MEP1A: variants seen among roughly 807,000 people sequenced by gnomAD.
The protein encoded by MEP1A is N-benzoyl-L-tyrosyl-P-amino-benzoic acid hydrolase subunit alpha.
Under a neutral mutation model 84.5 loss-of-function variants are expected in MEP1A, and 68 were observed. The observed-to-expected ratio is 0.80, with a 90% CI of 0.66 to 0.98. The LOEUF is 0.98. MEP1A is among the 50% of genes least tolerant of loss of function. MEP1A has a pLI of 0.00. For missense variants in MEP1A, 887 were observed against 919.9 expected (o/e 0.96, Z 0.46); for synonymous variants, 337 against 336.8 (o/e 1.00, Z -0.01).
intron 6 of MEP1A, among the ~76,000 whole-genome samples, chr6:46,814,220 C>T (rs1767575608): frequency 6.6e-6 from 1 of 152,142 alleles, no homozygotes; most frequent in African/African-American, 2.4e-5. Flanking sequence ...ATAGTCCAAA[C>T]TTCTTCGAAG....
chr6:46,817,436 G>T (rs149628918), intron 6 of MEP1A, among the ~76,000 whole-genome samples: 1 of 152,272 alleles, frequency 6.6e-6, no homozygotes, highest in African/African-American at 2.4e-5. Flanking sequence ...AACATTTAAA[G>T]TATATCTCAG....
chr6:46,835,873 C>G (rs566667283), intron 13 of MEP1A, among the ~76,000 whole-genome samples: 1 of 152,298 alleles, frequency 6.6e-6, no homozygotes, highest in South Asian at 2.1e-4. Context: ...ACTTTCTACT[C>G]CATGAGGGTG....
chr6:46,822,702 C>T (rs1381390095), intron 7 of MEP1A, among the ~76,000 whole-genome samples: 1 of 152,040 alleles, frequency 6.6e-6, no homozygotes, highest in Non-Finnish European at 1.5e-5. Context: ...CACCACCATG[C>T]CCAGCTAATT....
At chr6:46,823,065 A>G (rs967043168) in intron 7 of MEP1A, among the ~76,000 whole-genome samples, 1 of 152,136 alleles carries the variant, frequency 6.6e-6, no homozygotes, top group African/African-American at 2.4e-5. Context: ...CCCACCTTCA[A>G]AAATGCTTTG....
At chr6:46,803,809 G>T (rs1767250511) in intron 5 of MEP1A, among the ~76,000 whole-genome samples, 1 of 151,514 alleles carries the variant, frequency 6.6e-6, no homozygotes, top group African/African-American at 2.4e-5. Flanking sequence ...TTAAAATTTA[G>T]TTTATTAATA....
At chr6:46,801,324 A>G (rs972688582) in intron 5 of MEP1A, among the ~76,000 whole-genome samples, 4 of 152,106 alleles carry the variant, frequency 2.6e-5, no homozygotes, top group African/African-American at 9.7e-5. Context: ...TAGTAGTTGT[A>G]AAATGGTATC....
chr6:46,826,234 A>G, intron 8 of MEP1A, 120 bp from the exon 9 acceptor site: 1 of 893,614 alleles, frequency 1.1e-6, no homozygotes, highest in Non-Finnish European at 1.6e-6. Flanking sequence ...AGAAAAAGTC[A>G]AGATAACAAG....
chr6:46,842,902 G>C (rs191795508), downstream of MEP1A, among the ~76,000 whole-genome samples: 1 of 152,050 alleles, frequency 6.6e-6, no homozygotes, highest in South Asian at 2.1e-4. Context: ...TAGAACCTAC[G>C]TTGAAATATT....
At chr6:46,838,166 T>C (rs892470558) in intron 13 of MEP1A, among the ~76,000 whole-genome samples, 1 of 152,076 alleles carries the variant, frequency 6.6e-6, no homozygotes, top group Admixed American at 6.6e-5. Flanking sequence ...GTGCTGGTAT[T>C]ACAGGCGTAT....
chr6:46,836,501 A>G (rs1768221047), intron 13 of MEP1A, among the ~76,000 whole-genome samples: 1 of 152,224 alleles, frequency 6.6e-6, no homozygotes, highest in Admixed American at 6.5e-5. Context: ...GGTTTTCTCT[A>G]TACCATTCAC....
chr6:46,797,790 TTCTCTTTCTTTC>T (rs1767080181), intron 3 of MEP1A, among the ~76,000 whole-genome samples: 1 of 120,602 alleles, frequency 8.3e-6, no homozygotes, highest in Non-Finnish European at 1.8e-5. Flanking sequence ...CTTTCTTTCT[TTCTCTTTCTTTC>T]TTTCTTTCTT....
chr6:46,826,697 G>T (rs540902915), intron 9 of MEP1A, among the ~76,000 whole-genome samples, 194 bp downstream of exon 9: 41 of 152,294 alleles, frequency 2.7e-4, no homozygotes, highest in African/African-American at 8.9e-4. Flanking sequence ...ACAAAAGAAA[G>T]ATGCATTTAA....
chr6:46,800,928 A>G (rs1380880523), intron 5 of MEP1A, among the ~76,000 whole-genome samples: 2 of 152,166 alleles, frequency 1.3e-5, no homozygotes, highest in Non-Finnish European at 2.9e-5. Flanking sequence ...TATAAATACT[A>G]TGTGTCTGGC....
chr6:46,834,373 A>C (rs538536761), intron 11 of MEP1A, among the ~76,000 whole-genome samples: 1 of 151,920 alleles, frequency 6.6e-6, no homozygotes, highest in Non-Finnish European at 1.5e-5. Flanking sequence ...TTCAATTCTG[A>C]ATTGCAATTC....
At chr6:46,844,783 C>T in the MEP1A span, among the ~76,000 whole-genome samples, 2 of 152,152 alleles carry the variant, frequency 1.3e-5, no homozygotes. Flanking sequence ...TCTCCTGCTT[C>T]CTTTGCAGGT....
intron 8 of MEP1A, among the ~76,000 whole-genome samples, 155 bp from the exon 9 acceptor site, chr6:46,826,199 C>G (rs1767941086): frequency 6.6e-6 from 1 of 152,150 alleles, no homozygotes; most frequent in South Asian, 2.1e-4. Context: ...GTACTAAGAT[C>G]TGATGACAGT....
intron 9 of MEP1A, among the ~76,000 whole-genome samples, chr6:46,828,596 G>T (rs190397737): frequency 6.6e-6 from 1 of 152,206 alleles, no homozygotes; most frequent in Admixed American, 6.5e-5. Context: ...CTCTTCATAT[G>T]CAAGAATTTT....
At chr6:46,799,220 ACTCT>A (rs748581003) in intron 5 of MEP1A, 39 bp downstream of exon 5, 26 of 1,347,898 alleles carry the variant, frequency 1.9e-5, no homozygotes, top group Non-Finnish European at 2.7e-5. Flanking sequence ...TTTCAGTTTA[ACTCT>A]CTCTCTCCTC....
At chr6:46,806,658 A>T (rs1268078902) in intron 5 of MEP1A, among the ~76,000 whole-genome samples, 1 of 152,040 alleles carries the variant, frequency 6.6e-6, no homozygotes, top group Non-Finnish European at 1.5e-5. Context: ...TTCATGAGTC[A>T]GACAAGGATT....
Sources: gnomAD v4.1 joint callset for allele counts (sites outside exome capture counted in the v4.1 genomes callset) on GRCh38, gnomAD v4.1.1 for gene constraint, MANE v1.5 for transcripts, NCBI Gene and HGNC (gene_info 2026-07-23, HGNC 2026-07-21) for gene names.